FBXW5: variants seen among roughly 807,000 people sequenced by gnomAD.
The protein encoded by FBXW5 is F-box and WD repeat domain containing 5.
A neutral mutation model predicts 50.9 loss-of-function variants in FBXW5; 74 were observed. The observed-to-expected ratio is 1.45, with a 90% CI of 1.20 to 1.76. The LOEUF (loss-of-function observed/expected upper bound fraction) is 1.76, where lower values mean the gene tolerates loss of function less well. FBXW5 is among the 40% of genes most tolerant of loss of function. The probability of loss-of-function intolerance (pLI) is 0.00; values close to 1 mark genes in which losing one functional copy is unlikely to be tolerated. For missense variants in FBXW5, 1,073 were observed against 818.8 expected (o/e 1.31, Z -3.79); for synonymous variants, 523 against 362.2 (o/e 1.44, Z -5.04).
Position 136,941,696 on chromosome 9 carries a change from G to T in FBXW5, c.1097-12C>A, listed in dbSNP as rs201349920. 27 of 1,548,778 alleles carry T rather than the reference G, an allele frequency of 1.7e-5. No homozygotes were observed. The highest frequency in any genetic ancestry group is 1.2e-4 in the Admixed American group (6 of 51,518). ...GATCTGCTTGATGCCTGCAGGGAGG[G>T]CTACGGTGAGGGTCCCTGTCCAATG... On this transcript the variant is annotated splice_polypyrimidine_tract_variant and intron_variant, in intron 6 of 8. Coordinates refer to ENST00000325285, the MANE Select transcript of FBXW5 (RefSeq NM_018998.4).
chr9:136,941,562 C>G lies in FBXW5; in HGVS notation c.1219G>C (p.Gly407Arg). The change falls in exon 7 of 9, where the codon GGC becomes CGC. Residue 407 changes from glycine (G) to arginine (R), a missense_variant. By Grantham distance (125) the Gly-to-Arg change is moderately radical. Coordinates refer to ENST00000325285, the MANE Select transcript of FBXW5 (RefSeq NM_018998.4). The stretch of plus-strand genomic sequence containing the variant: ...CTGTTGTCGGGCGACAGGCCCATGC[C>G]GATGATGTGTCCGTGTATGTCTATG... Reference protein sequence around the residue: ...HVIDIHGHIIGMGLSPDNRYL... With the variant: ...HVIDIHGHIIRMGLSPDNRYL... The G allele has an allele frequency of 1.2e-6, 2 of 1,609,676 alleles. No individual in the cohort carries two copies. Among genetic ancestry groups the G allele is most frequent in the Non-Finnish European group, 1.7e-6 (2 of 1,179,348 alleles).
rs748289429 is a variant in FBXW5 at position 136,942,850 on chromosome 9, C to T, written c.445G>A (p.Asp149Asn). 5.0e-6 allele frequency: 8 copies of T among 1,613,512 alleles called. No individual in the cohort carries two copies. The change falls in exon 4 of 9, where the codon GAC becomes AAC. Residue 149 changes from aspartate (D) to asparagine (N), a missense_variant. Coordinates refer to ENST00000325285, the MANE Select transcript of FBXW5 (RefSeq NM_018998.4). ...CCCGAGGCCAGCAGTAGCGAGTCGT[C>T]CTTGTTGAACTGGGAGAACTGGGTG... Reference protein sequence around the residue: ...SYTQFSQFNKDDSLLLASGVF... With the variant: ...SYTQFSQFNKNDSLLLASGVF...
rs563926512 is a variant in FBXW5, at chr9:136,943,954, A to C, written c.130T>G (p.Phe44Val). 6.4e-7 allele frequency: 1 copy of C among 1,559,784 alleles called. No individual in the cohort carries two copies. The highest frequency in any genetic ancestry group is 1.2e-5 in the South Asian group (1 of 84,778). ...RQWQAVSRDEFLWREQFYRYY... is the reference protein window; with the variant it reads ...RQWQAVSRDEVLWREQFYRYY... Reference sequence around the variant, plus strand: ...CGGTAGAACTGCTCCCTCCACAGGAACTCGTCCCGCGACACGGCCTGCCAT... The same window carrying C: ...CGGTAGAACTGCTCCCTCCACAGGACCTCGTCCCGCGACACGGCCTGCCAT... Residue 44 changes from phenylalanine to valine, a missense_variant, in exon 2 of 9, where the codon TTC becomes GTC. Transcript: ENST00000325285.
rs144092114 is a variant in FBXW5, at chr9:136,941,521, C to T, written c.1244+16G>A. The T allele has an allele frequency of 3.5e-5, 57 of 1,608,524 alleles. No individual in the cohort carries two copies. In the East Asian group the frequency reaches 1.1e-3, roughly 32 times the overall value. On this transcript the variant is annotated intron_variant, in intron 7 of 8. Transcript: ENST00000325285. ...GCCTGCGGGCACCCCGCCTGGGACA[C>T]TGGCAAGAGGCCCACCTGTTGTCGG...
At position 136,942,688 on chromosome 9, in the gene FBXW5, G is replaced by C; in HGVS notation, c.534C>G (p.Phe178Leu). ...TGTTCCGCACGCGGGACAGCAGCGC[G>C]AAGGAGTCTGTGGGGAGGCCGGGGC... ...GEIAVISLDS[F>L]ALLSRVRNKP... The change falls in exon 5 of 9, where the codon TTC becomes TTG. Residue 178 changes from phenylalanine to leucine, a missense_variant. Physicochemically the swap from Phe to Leu is conservative, Grantham distance 22. Coordinates refer to ENST00000325285, the MANE Select transcript of FBXW5 (RefSeq NM_018998.4). The C allele has an allele frequency of 1.2e-6, 2 of 1,610,866 alleles. No homozygotes were observed. The highest frequency in any genetic ancestry group is 1.7e-5 in the Admixed American group (1 of 59,736).
intron 2 of FBXW5, 75 bp downstream of exon 2, chr9:136,943,816 C>T (rs1850912826): frequency 1.4e-6 from 2 of 1,474,592 alleles, no homozygotes; most frequent in Admixed American, 2.1e-5. Context: ...GGGCCCCCAG[C>T]CAGGCTGACC....
rs780321428 is a variant in FBXW5, at chr9:136,941,279, G to C, written c.1429C>G (p.Leu477Val). The change falls in exon 8 of 9, where the codon CTG (leucine) becomes GTG (valine). Residue 477 changes from leucine to valine, a missense_variant. Transcript: ENST00000325285. ...GCCACGAAGTCCCTGCTGACGTCCA[G>C]GAAGATGAAGAAGCACTCGTCGTTG... is the stretch of plus-strand genomic sequence containing the variant. ...TPNDECFFIF[L>V]DVSRDFVASG... 1.2e-6 allele frequency: 2 copies of C among 1,607,424 alleles called. No individual in the cohort carries two copies. Among genetic ancestry groups the C allele is most frequent in the Non-Finnish European group, 1.7e-6 (2 of 1,179,752 alleles).
At chr9:136,944,334 G>T in intron 1 of FBXW5, 2 of 584,704 alleles carry the variant, frequency 3.4e-6, no homozygotes, top group Non-Finnish European at 4.8e-6. Flanking sequence ...GGCAGCGGGC[G>T]CCCCTCAGCC....
chr9:136,942,806 G>C lies in FBXW5; in HGVS notation c.489C>G (p.His163Gln), dbSNP rs758112282. 8 of 1,613,112 alleles carry C rather than the reference G, an allele frequency of 5.0e-6. No individual in the cohort carries two copies. Among genetic ancestry groups the C allele is most frequent in the Non-Finnish European group, 6.8e-6 (8 of 1,179,976 alleles). ...LLASGVFLGP[H>Q]NSSSGEIAVI... The stretch of plus-strand genomic sequence containing the variant: ...CAGCAATCTCGCCGGATGAGGAGTT[G>C]TGCGGCCCCAGGAACACCCCCGAGG... Residue 163 changes from histidine to glutamine, a missense_variant, in exon 4 of 9, where the codon CAC (histidine) becomes CAG (glutamine). Physicochemically the swap from His to Gln is conservative, Grantham distance 24. Coordinates refer to ENST00000325285, the MANE Select transcript of FBXW5 (RefSeq NM_018998.4).
intron 3 of FBXW5, 73 bp downstream of exon 3, chr9:136,943,276 A>G: frequency 1.9e-6 from 2 of 1,045,474 alleles, no homozygotes; most frequent in Non-Finnish European, 2.8e-6. Context: ...ACCTGGTTGG[A>G]ACGCCTGGGT....
intron 6 of FBXW5, 24 bp downstream of exon 6, chr9:136,942,022 G>T: frequency 6.3e-7 from 1 of 1,584,168 alleles, no homozygotes; most frequent in Non-Finnish European, 8.6e-7. Context: ...GACCGAGGCG[G>T]GCAGCATGGC....
At position 136,941,117 on chromosome 9, in the gene FBXW5, C is replaced by T. The variant is rs1306091386; in HGVS notation, c.1512G>A (p.Leu504=). The change falls in exon 9 of 9, where the codon CTG becomes CTA. Residue 504 remains leucine (L), a synonymous_variant. Coordinates refer to ENST00000325285, the MANE Select transcript of FBXW5 (RefSeq NM_018998.4). ...CCACATCCTCGTGCCGCAGCCTGGC[C>T]AGACAGATGTTGTAGTGGCGGTCCC... ...YIWDRHYNIC[L]ARLRHEDVVN... The T allele has an allele frequency of 6.3e-7, 1 of 1,597,672 alleles. No individual in the cohort carries two copies.
chr9:136,942,706 G>A lies in FBXW5; in HGVS notation c.527-11C>T, dbSNP rs774342063. On this transcript the variant is annotated splice_polypyrimidine_tract_variant and intron_variant, in intron 4 of 8. Coordinates refer to ENST00000325285, the MANE Select transcript of FBXW5 (RefSeq NM_018998.4). ...GCAGCGCGAAGGAGTCTGTGGGGAG[G>A]CCGGGGCTGGACAGGCTGTCGGCGT... 1.1e-5 allele frequency: 18 copies of A among 1,611,004 alleles called. No individual in the cohort carries two copies. The highest frequency in any genetic ancestry group is 1.1e-4 in the South Asian group (10 of 90,880).
intron 1 of FBXW5, 128 bp from the exon 2 acceptor site, chr9:136,944,234 C>G: frequency 9.1e-7 from 1 of 1,098,856 alleles, no homozygotes; most frequent in East Asian, 3.0e-5. Flanking sequence ...AGGGGACGCC[C>G]GGGTACCGCC....
In FBXW5 at chr9:136,944,479, C is replaced by T. The variant is rs1259465135; in HGVS notation, c.-24+115G>A. The T allele has an allele frequency of 1.0e-5, 10 of 981,412 alleles. No homozygotes were observed. The African/African-American group carries it at 1.4e-4, about 14-fold the overall frequency. The allele number at this position is 981,412 out of a possible 1,614,324, so 60.8% of individuals were successfully genotyped here. On this transcript the variant is annotated intron_variant, in intron 1 of 8. Coordinates refer to ENST00000325285, the MANE Select transcript of FBXW5 (RefSeq NM_018998.4). The stretch of plus-strand genomic sequence containing the variant: ...GCGGCCCTGGAGCAGCTCTGCCCGG[C>T]GGGCTCGGGGCGGACGGCGGGGACG...
In FBXW5 at chr9:136,943,478, C is replaced by A; in HGVS notation, c.222G>T (p.Gln74His). ...CGCAGGGCACCGTGTCATACAGCCGCTGGAACTCCTCGTACCAGGACATGG... is the reference window on the plus strand; with the variant it reads ...CGCAGGGCACCGTGTCATACAGCCGATGGAACTCCTCGTACCAGGACATGG... ...PAAMSWYEEF[Q>H]RLYDTVPCVE... is the part of the protein sequence containing the mutation. The change falls in exon 3 of 9, where the codon CAG (glutamine) becomes CAT (histidine). Residue 74 changes from glutamine to histidine, a missense_variant. Coordinates refer to ENST00000325285, the MANE Select transcript of FBXW5 (RefSeq NM_018998.4). 1 of 1,612,046 alleles carries A rather than the reference C, an allele frequency of 6.2e-7. No individual in the cohort carries two copies. Among genetic ancestry groups the A allele is most frequent in the Non-Finnish European group, 8.5e-7 (1 of 1,179,354 alleles).
At position 136,942,366 on chromosome 9, in the gene FBXW5, C is replaced by T. The variant is rs376852286; in HGVS notation, c.776G>A (p.Arg259His). Residue 259 changes from arginine to histidine, a missense_variant, in exon 6 of 9, where the codon CGC (arginine) becomes CAC (histidine). Arg to His is a conservative substitution (Grantham distance 29). Coordinates refer to ENST00000325285, the MANE Select transcript of FBXW5 (RefSeq NM_018998.4). ...VRTVMVADCS[R>H]FDSPDLLLEA... is the part of the protein sequence containing the mutation. ...CAGCAGCAGGTCAGGGCTGTCGAAG[C>T]GGCTGCAGTCGGCCACCATCACCGT... The T allele has an allele frequency of 4.4e-5, 70 of 1,608,838 alleles. No homozygotes were observed. Among genetic ancestry groups the T allele is most frequent in the East Asian group, 3.8e-4 (17 of 44,750 alleles).
At position 136,943,073 on chromosome 9, in the gene FBXW5, A is replaced by T. The variant is rs1352143961; in HGVS notation, c.352-130T>A. 3.9e-5 allele frequency: 55 copies of T among 1,419,546 alleles called. No individual in the cohort carries two copies. In the East Asian group the frequency reaches 1.2e-3, roughly 31 times the overall value. The allele number at this position is 1,419,546 out of a possible 1,614,324, so 87.9% of individuals were successfully genotyped here. A position where few individuals can be genotyped will look rare whatever the true frequency, so the allele number is the denominator to read the frequency against. On this transcript the variant is annotated intron_variant, in intron 3 of 8. Transcript: ENST00000325285. ...CCACCAGGGAGCAGGGACCCCTTCC[A>T]GCCACTGTCATCCACTCGGGGGGCA...
Position 136,940,899 on chromosome 9 carries a change from C to G in FBXW5, c.*29G>C. Reference sequence around the variant, plus strand: ...GAGCCTGGCGATGTCCTCAAGGGGTCCCGGTGGCTCCAGTGCACCCAGCAC... The same window carrying G: ...GAGCCTGGCGATGTCCTCAAGGGGTGCCGGTGGCTCCAGTGCACCCAGCAC... On this transcript the variant is annotated 3_prime_UTR_variant, in exon 9 of 9. Transcript: ENST00000325285. 6.4e-7 allele frequency: 1 copy of G among 1,567,904 alleles called. No homozygotes were observed. Among genetic ancestry groups the G allele is most frequent in the Admixed American group, 1.8e-5 (1 of 56,150 alleles).
Sources: allele counts gnomAD v4.1 joint callset, GRCh38; gene constraint gnomAD v4.1.1; transcripts MANE v1.5; gene names NCBI Gene and HGNC (gene_info 2026-07-23, HGNC 2026-07-21).